SUCLG2: variants seen among roughly 807,000 people sequenced by gnomAD.
SUCLG2 encodes succinate--CoA ligase [GDP-forming] subunit beta, mitochondrial.
A neutral mutation model predicts 47.9 loss-of-function variants in SUCLG2; 42 were observed. The observed-to-expected ratio is 0.88, with a 90% CI of 0.69 to 1.14. The LOEUF (loss-of-function observed/expected upper bound fraction) is 1.14, where lower values mean the gene tolerates loss of function less well. Ranked by LOEUF, SUCLG2 falls within the 50% of genes most tolerant of loss-of-function variation. SUCLG2 has a pLI of 0.00. For missense variants in SUCLG2, 571 were observed against 525.9 expected (o/e 1.09, Z -0.84); for synonymous variants, 195 against 197.3 (o/e 0.99, Z 0.10).
intron 2 of SUCLG2, among the ~76,000 whole-genome samples, chr3:67,592,001 T>C (rs922335314): frequency 6.6e-6 from 1 of 152,216 alleles, no homozygotes; most frequent in Non-Finnish European, 1.5e-5. Context: ...TTGTCTTTTG[T>C]ATTGATTGAT....
chr3:67,426,533 C>T (rs1703304686), intron 9 of SUCLG2, among the ~76,000 whole-genome samples: 1 of 152,134 alleles, frequency 6.6e-6, no homozygotes, highest in African/African-American at 2.4e-5. Flanking sequence ...CTGTAAAGAA[C>T]ATACTTACCA....
At chr3:67,531,506 AGTGTT>A (rs55921330) in intron 2 of SUCLG2, among the ~76,000 whole-genome samples, 11,810 of 152,206 alleles carry the variant, frequency 0.078, 530 homozygotes, top group East Asian at 0.17. Flanking sequence ...TCCTCAATGA[AGTGTT>A]GTCAATTAAA....
intron 2 of SUCLG2, among the ~76,000 whole-genome samples, chr3:67,604,357 C>T (rs1708483081): frequency 6.6e-6 from 1 of 152,154 alleles, no homozygotes; most frequent in Non-Finnish European, 1.5e-5. Context: ...TATTAATATG[C>T]ATTTTCCATG....
chr3:67,630,702 T>C (rs540604412), intron 1 of SUCLG2, among the ~76,000 whole-genome samples: 1 of 152,306 alleles, frequency 6.6e-6, no homozygotes, highest in East Asian at 1.9e-4. Flanking sequence ...TAGTCAATCG[T>C]CTCCTTTTCC....
chr3:67,581,664 T>A (rs1047078909), intron 2 of SUCLG2, among the ~76,000 whole-genome samples: 5 of 152,160 alleles, frequency 3.3e-5, no homozygotes, highest in African/African-American at 1.2e-4. Context: ...GACAAAAGAA[T>A]GCATGATGTA....
At chr3:67,393,219 A>T (rs974170661) in intron 10 of SUCLG2, among the ~76,000 whole-genome samples, 1 of 152,260 alleles carries the variant, frequency 6.6e-6, no homozygotes. Flanking sequence ...AGGGCGAGGC[A>T]TTGCCTCACT....
chr3:67,607,841 G>A (rs1367053967), intron 2 of SUCLG2, among the ~76,000 whole-genome samples: 7 of 152,074 alleles, frequency 4.6e-5, no homozygotes, highest in East Asian at 1.9e-4. Flanking sequence ...ACAAGTTCTC[G>A]TCTGCCACCA....
chr3:67,390,130 T>C (rs1438861237), intron 10 of SUCLG2, among the ~76,000 whole-genome samples: 1 of 152,246 alleles, frequency 6.6e-6, no homozygotes, highest in Non-Finnish European at 1.5e-5. Context: ...TGTGAGATTT[T>C]CAGTGATCCA....
intron 9 of SUCLG2, among the ~76,000 whole-genome samples, chr3:67,469,236 A>C (rs1175410019): frequency 1.3e-5 from 2 of 152,208 alleles, no homozygotes; most frequent in South Asian, 2.1e-4. Flanking sequence ...TGTATCCCAA[A>C]AGCAGCGGGA....
intron 10 of SUCLG2, among the ~76,000 whole-genome samples, chr3:67,364,353 C>T (rs9812440): frequency 0.75 from 113,850 of 151,616 alleles, 43,224 homozygotes; most frequent in South Asian, 0.82. Context: ...CCCTGCTCAG[C>T]GGTAAAGAGG....
chr3:67,604,405 A>C (rs1362766456), intron 2 of SUCLG2, among the ~76,000 whole-genome samples: 1 of 152,210 alleles, frequency 6.6e-6, no homozygotes, highest in Non-Finnish European at 1.5e-5. Context: ...TCTCCCAAAA[A>C]TATCATCATC....
At chr3:67,380,832 C>T (rs1251875137) in intron 10 of SUCLG2, among the ~76,000 whole-genome samples, 1 of 152,068 alleles carries the variant, frequency 6.6e-6, no homozygotes, top group Non-Finnish European at 1.5e-5. Flanking sequence ...AATGAGTTTG[C>T]CAAGTGCCTT....
intron 1 of SUCLG2, among the ~76,000 whole-genome samples, chr3:67,624,629 A>T (rs1315022440): frequency 6.6e-6 from 1 of 152,234 alleles, no homozygotes; most frequent in Admixed American, 6.5e-5. Context: ...CATCTATGTT[A>T]GTCATCTCTT....
chr3:67,652,892 T>C (rs1559614030), intron 1 of SUCLG2, among the ~76,000 whole-genome samples: 1 of 152,236 alleles, frequency 6.6e-6, no homozygotes, highest in Non-Finnish European at 1.5e-5. Flanking sequence ...TGTACCTTTC[T>C]ATCTTTAAAA....
chr3:67,448,475 C>A (rs1415485187), intron 9 of SUCLG2, among the ~76,000 whole-genome samples: 1 of 152,130 alleles, frequency 6.6e-6, no homozygotes, highest in Non-Finnish European at 1.5e-5. Context: ...AACCTCTGCT[C>A]CCGGGTTCAA....
At chr3:67,508,004 C>T (rs528349169) in intron 7 of SUCLG2, among the ~76,000 whole-genome samples, 1 of 152,184 alleles carries the variant, frequency 6.6e-6, no homozygotes, top group Non-Finnish European at 1.5e-5. Context: ...TTAATAAGAA[C>T]TTATGGAATA....
intron 2 of SUCLG2, among the ~76,000 whole-genome samples, chr3:67,583,969 A>G (rs1707946637): frequency 6.6e-6 from 1 of 152,192 alleles, no homozygotes; most frequent in Non-Finnish European, 1.5e-5. Context: ...TACATCTGCA[A>G]AGTCCTTTTT....
At chr3:67,402,862 T>C (rs1702718629) in intron 9 of SUCLG2, among the ~76,000 whole-genome samples, 1 of 152,230 alleles carries the variant, frequency 6.6e-6, no homozygotes, top group Non-Finnish European at 1.5e-5. Context: ...ATCTAAAGCT[T>C]TACGATCATT....
At position 67,531,622 on chromosome 3, in the gene SUCLG2, T is replaced by C. The variant is rs75840001; in HGVS notation, c.227-2436A>G. ...CTATGAAACCAGAGATCAGGACAAA[T>C]AGAAAAAGACAACAACCTACGCACA... On this transcript the variant is annotated intron_variant, in intron 2 of 10. Transcript: ENST00000307227. Among the ~76,000 whole-genome samples the C allele has an allele frequency of 8.7e-3, 1,325 of 152,152 alleles. 14 individuals carry two copies. The highest frequency in any genetic ancestry group is 0.03 in the African/African-American group (1,251 of 41,504).
Sources: gnomAD v4.1 joint callset for allele counts (sites outside exome capture counted in the v4.1 genomes callset) on GRCh38, gnomAD v4.1.1 for gene constraint, MANE v1.5 for transcripts, NCBI Gene and HGNC (gene_info 2026-07-23, HGNC 2026-07-21) for gene names.